LTBP4: variants seen among roughly 807,000 people sequenced by gnomAD.
The protein encoded by LTBP4 is latent transforming growth factor beta binding protein 4.
In LTBP4, 93 loss-of-function variants were observed where a neutral mutation model predicts 180.2. That is an observed-to-expected ratio of 0.52 (90% CI 0.44 to 0.61). LTBP4 has a LOEUF of 0.61. Ranked by LOEUF, LTBP4 falls within the 20% of genes least tolerant of loss-of-function variation. The pLI, the probability that LTBP4 is intolerant of heterozygous loss-of-function variation, is 0.00. For synonymous variants in LTBP4, 947 were observed against 934.5 expected, an observed-to-expected ratio of 1.01 and a Z score of -0.24; for missense variants, 2,116 against 2,256.5, an observed-to-expected ratio of 0.94 and a Z score of 1.26.
intron 12 of LTBP4, 167 bp from the exon 13 acceptor site, chr19:40,610,985 C>G: frequency 2.1e-6 from 2 of 972,946 alleles, no homozygotes; most frequent in Non-Finnish European, 1.5e-6. Flanking sequence ...CAGAACCAGC[C>G]AGGCAGCTTA....
upstream of LTBP4, chr19:40,601,317 G>C: frequency 2.1e-6 from 2 of 974,304 alleles, no homozygotes; most frequent in Non-Finnish European, 2.4e-6. Flanking sequence ...CCCCGCGGGC[G>C]GGCGGGCGGG....
At chr19:40,625,164 C>A (rs1262392895) in intron 26 of LTBP4, among the ~76,000 whole-genome samples, 7 of 147,374 alleles carry the variant, frequency 4.7e-5, no homozygotes, top group African/African-American at 1.8e-4. Context: ...GCAGCTTCCA[C>A]CTCTCATGCC....
chr19:40,614,971 GTC>G (rs1462207916), intron 19 of LTBP4, among the ~76,000 whole-genome samples: 1 of 152,034 alleles, frequency 6.6e-6, no homozygotes, highest in Non-Finnish European at 1.5e-5. Flanking sequence ...CCCTTCCTTG[GTC>G]TCTCTAGACA....
chr19:40,613,575 G>T lies in LTBP4; in HGVS notation c.2557+46G>T. ...TGGCCCCGGAAAGGGTGGGCTTAGGGCAGGAAAAGGCGGGACGGGGAGAAG... is the reference window on the plus strand; with the variant it reads ...TGGCCCCGGAAAGGGTGGGCTTAGGTCAGGAAAAGGCGGGACGGGGAGAAG... On this transcript the variant is annotated intron_variant, in intron 17 of 29. Transcript: ENST00000396819. The surrounding 1 kb of genome is among the most constrained non-coding windows in gnomAD (Gnocchi z 5.0). The T allele has an allele frequency of 6.5e-7, 1 of 1,548,262 alleles. No individual in the cohort carries two copies.
intron 25 of LTBP4, 92 bp from the exon 26 acceptor site, chr19:40,623,844 C>T: frequency 6.3e-7 from 1 of 1,598,202 alleles, no homozygotes; most frequent in Non-Finnish European, 8.6e-7. Context: ...GGAGTCTAGA[C>T]TCCATCCATC....
In LTBP4 at chr19:40,622,799, GC is replaced by G; in HGVS notation, c.3484+134del. 7.1e-7 allele frequency: 1 copy of G among 1,412,492 alleles called. No homozygotes were observed. Among genetic ancestry groups the G allele is most frequent in the Non-Finnish European group, 9.5e-7 (1 of 1,050,532 alleles). The allele number at this position is 1,412,492 out of a possible 1,614,324, so 87.5% of individuals were successfully genotyped here. On this transcript the variant is annotated intron_variant, in intron 23 of 29. Coordinates refer to ENST00000396819, the MANE Select transcript of LTBP4 (RefSeq NM_001042545.2). The surrounding 1 kb of genome is among the most constrained non-coding windows in gnomAD (Gnocchi z 5.1). Reference sequence around the variant, plus strand: ...AGTACTGTCAGGGCAAGGGCGAGCTGCCAGGCAGGTGGGCATGGGCAGACAT... The same window carrying G: ...AGTACTGTCAGGGCAAGGGCGAGCTGCAGGCAGGTGGGCATGGGCAGACAT...
intron 19 of LTBP4, among the ~76,000 whole-genome samples, 184 bp from the exon 20 acceptor site, chr19:40,616,705 G>C (rs1324495621): frequency 1.3e-5 from 2 of 152,246 alleles, no homozygotes; most frequent in African/African-American, 4.8e-5. Context: ...ACTCCAGCCT[G>C]AGTGAAAGAG....
chr19:40,626,104 A>G lies in LTBP4; in HGVS notation c.3985+95A>G, dbSNP rs2081631956. On this transcript the variant is annotated intron_variant, in intron 27 of 29. Transcript: ENST00000396819. Reference sequence around the variant, plus strand: ...CCCAGTCGCAGAACCCCCAGACTCTATCCAAACTCTGTCCCCTAGACCAAC... The same window carrying G: ...CCCAGTCGCAGAACCCCCAGACTCTGTCCAAACTCTGTCCCCTAGACCAAC... 4 of 1,393,294 alleles carry G rather than the reference A, an allele frequency of 2.9e-6. No individual in the cohort carries two copies. In the African/African-American group the frequency reaches 4.5e-5, roughly 16 times the overall value. The allele number at this position is 1,393,294 out of a possible 1,614,324, so 86.3% of individuals were successfully genotyped here.
chr19:40,601,677 G>C, intron 1 of LTBP4, 40 bp downstream of exon 1: 1 of 1,309,212 alleles, frequency 7.6e-7, no homozygotes, highest in East Asian at 3.1e-5. Flanking sequence ...CGGCTCCGGG[G>C]GGGAGGAGGA....
At chr19:40,595,905 A>ATTTTTTTTTTTTTTT (rs60121587) in intron 1 of LTBP4, among the ~76,000 whole-genome samples, 1 of 60,044 alleles carries the variant, frequency 1.7e-5, no homozygotes, top group Non-Finnish European at 2.8e-5. Context: ...TAATTTTTGG[A>ATTTTTTTTTTTTTTT]TTTTTTTTTT....
At chr19:40,599,307 G>C (rs954539682), upstream of LTBP4, 5 of 1,612,500 alleles carry the variant, frequency 3.1e-6, no homozygotes, top group Admixed American at 6.7e-5. Context: ...AATAGGAGGA[G>C]AGGGGCAGGG....
Position 40,609,397 on chromosome 19 carries a change from A to T in LTBP4, c.1427-133A>T. 16 of 1,161,528 alleles carry T rather than the reference A, an allele frequency of 1.4e-5. No homozygotes were observed. The highest frequency in any genetic ancestry group is 1.7e-5 in the Non-Finnish European group (14 of 813,760). 72.0% of individuals were successfully genotyped at this position (1,161,528 alleles called of 1,614,324 possible). A position where few individuals can be genotyped will look rare whatever the true frequency, so the allele number is the denominator to read the frequency against. Reference sequence around the variant, plus strand: ...GGATAAAAAAGATGGAGATCAGAAGAAGACTGGGCTTGCTTGGGGAGGAGA... The same window carrying T: ...GGATAAAAAAGATGGAGATCAGAAGTAGACTGGGCTTGCTTGGGGAGGAGA... On this transcript the variant is annotated intron_variant, in intron 9 of 29. Transcript: ENST00000396819. The surrounding 1 kb of genome is among the most constrained non-coding windows in gnomAD (Gnocchi z 4.9).
At chr19:40,593,686 C>G (rs1029780904) in intron 1 of LTBP4, among the ~76,000 whole-genome samples, 1 of 133,848 alleles carries the variant, frequency 7.5e-6, no homozygotes. Flanking sequence ...GCTCACAGAT[C>G]TAGAATATTA....
upstream of LTBP4, among the ~76,000 whole-genome samples, chr19:40,598,238 G>A (rs1052015042): frequency 6.6e-6 from 1 of 152,024 alleles, no homozygotes; most frequent in Non-Finnish European, 1.5e-5. Context: ...GCCGGGAAGG[G>A]GTTAACCTGG....
At position 40,611,903 on chromosome 19, in the gene LTBP4, C is replaced by T. The variant is rs758290097; in HGVS notation, c.2098C>T (p.Arg700Trp). ...AAGCCCCCCACCCTGCACCTACGGC[C>T]GGTGTGAGAACACAGAAGGCAGCTT... ...ARSPPPCTYG[R>W]CENTEGSFQC... Residue 700 changes from arginine (R) to tryptophan (W), a missense_variant, in exon 14 of 30, where the codon CGG becomes TGG. Arg to Trp is a moderately radical substitution (Grantham distance 101, BLOSUM62 -3). Coordinates refer to ENST00000396819, the MANE Select transcript of LTBP4 (RefSeq NM_001042545.2). The surrounding 1 kb of genome is among the most constrained non-coding windows in gnomAD (Gnocchi z 4.4). 1.9e-5 allele frequency: 31 copies of T among 1,609,436 alleles called. No individual in the cohort carries two copies. The highest frequency in any genetic ancestry group is 5.0e-5 in the Admixed American group (3 of 59,406).
chr19:40,600,078 GC>G, upstream of LTBP4: 1 of 1,263,808 alleles, frequency 7.9e-7, no homozygotes, highest in Non-Finnish European at 1.0e-6. This position sits in a 1 kb window ranked among gnomAD's most constrained non-coding sequence, Gnocchi z 4.4. Flanking sequence ...GCTCCAGGAG[GC>G]CAGAGCTCTA....
chr19:40,613,115 T>C lies in LTBP4; in HGVS notation c.2350T>C (p.Cys784Arg), dbSNP rs2081519311. The C allele has an allele frequency of 6.2e-7, 1 of 1,607,586 alleles. No individual in the cohort carries two copies. Among genetic ancestry groups the C allele is most frequent in the Non-Finnish European group, 8.5e-7 (1 of 1,177,244 alleles). The change falls in exon 16 of 30, where the codon TGC becomes CGC. Residue 784 changes from cysteine to arginine, a missense_variant. This residue lies in a region of LTBP4 where 877 missense variants were observed against 873.6 expected (regional missense o/e 1.00). Transcript: ENST00000396819. This position sits in a 1 kb window ranked among gnomAD's most constrained non-coding sequence, Gnocchi z 5.0. ...CCCTCCCTGTGGTCCCCACGGCCACTGCACTAACACCGAAGGCTCCTTCCG... is the reference window on the plus strand; with the variant it reads ...CCCTCCCTGTGGTCCCCACGGCCACCGCACTAACACCGAAGGCTCCTTCCG... ...GAPPCGPHGH[C>R]TNTEGSFRCS... is the part of the protein sequence containing the mutation.
At position 40,610,648 on chromosome 19, in the gene LTBP4, A is replaced by G. The variant is rs770139387; in HGVS notation, c.1801A>G (p.Ser601Gly). ...AGYQAAPHGA[S>G]CQDVDECTQS... Reference sequence around the variant, plus strand: ...GTACCAGGCTGCACCGCACGGAGCCAGCTGCCAGGGTGAGGGCCTGGGAGG... The same window carrying G: ...GTACCAGGCTGCACCGCACGGAGCCGGCTGCCAGGGTGAGGGCCTGGGAGG... Residue 601 changes from serine (S) to glycine (G), a missense_variant, in exon 12 of 30, where the codon AGC becomes GGC. Around this residue, in one of 5 missense-constraint regions of LTBP4, gnomAD observed 877 missense variants for 873.6 expected, o/e 1.00. Transcript: ENST00000396819. The G allele has an allele frequency of 2.5e-6, 4 of 1,582,458 alleles. No homozygotes were observed. The highest frequency in any genetic ancestry group is 3.4e-6 in the Non-Finnish European group (4 of 1,168,304).
At chr19:40,608,902 C>CAAAAAAAAAAAAAAAAAAAAAA (rs538438732) in intron 9 of LTBP4, 1 of 81,812 alleles carries the variant, frequency 1.2e-5, no homozygotes, top group African/African-American at 5.5e-5. Flanking sequence ...CACTCCATCT[C>CAAAAAAAAAAAAAAAAAAAAAA]AAAAAAAAAA....
Sources: allele counts gnomAD v4.1 joint callset (sites outside exome capture counted in the v4.1 genomes callset), GRCh38; gene constraint gnomAD v4.1.1; regional missense constraint gnomAD v4.1.1; non-coding constraint Gnocchi (gnomAD v3.1); transcripts MANE v1.5; gene names NCBI Gene and HGNC (gene_info 2026-07-23, HGNC 2026-07-21).